The following MYOM2 variants were observed in gnomAD, a reference collection of about 807,000 sequenced individuals.
MYOM2 encodes the protein myomesin 2.
A neutral mutation model predicts 187.6 loss-of-function variants in MYOM2; 254 were observed. The ratio of observed to expected loss-of-function variants is 1.35; its 90% CI spans 1.22 to 1.50. The LOEUF is 1.50. MYOM2 is among the 40% of genes most tolerant of loss of function. MYOM2 has a pLI of 0.00. For synonymous variants in MYOM2, 981 were observed against 753.8 expected, an observed-to-expected ratio of 1.30 and a Z score of -4.94; for missense variants, 2,796 against 1,924.0, an observed-to-expected ratio of 1.45 and a Z score of -8.48.
chr8:2,090,216 C>G (rs1159821338), intron 15 of MYOM2, 25 bp downstream of exon 15: 1 of 1,604,036 alleles, frequency 6.2e-7, no homozygotes, highest in East Asian at 2.2e-5. Flanking sequence ...TGGGTGGCCC[C>G]AAGTCAGGAT....
At position 2,088,448 on chromosome 8, in the gene MYOM2, G is replaced by A. The variant is rs150070993; in HGVS notation, c.1645-1560G>A. On this transcript the variant is annotated intron_variant, in intron 14 of 36. Transcript: ENST00000262113. ...CCCTTGCTCTGTCTGGTAGGCCTCAGTGTCTATCGTTGCCATCTTCGTGTG... is the reference window on the plus strand; with the variant it reads ...CCCTTGCTCTGTCTGGTAGGCCTCAATGTCTATCGTTGCCATCTTCGTGTG... Among the ~76,000 whole-genome samples, 18 of 152,316 alleles carry A rather than the reference G, an allele frequency of 1.2e-4. No homozygotes were observed. In the East Asian group the frequency reaches 2.5e-3, roughly 21 times the overall value.
intron 34 of MYOM2, among the ~76,000 whole-genome samples, chr8:2,141,860 C>A (rs1798283309): frequency 2.0e-5 from 3 of 152,180 alleles, no homozygotes; most frequent in Admixed American, 2.0e-4. Context: ...CAGTCATCAT[C>A]AGGGCAGCAC....
At chr8:2,048,501 A>G (rs1191565336) in intron 1 of MYOM2, among the ~76,000 whole-genome samples, 1 of 152,264 alleles carries the variant, frequency 6.6e-6, no homozygotes, top group Non-Finnish European at 1.5e-5. Flanking sequence ...TCCTGTCTGC[A>G]GAATTCTTGA....
chr8:2,109,367 T>A (rs757792593), intron 24 of MYOM2, 28 bp from the exon 25 acceptor site: 1 of 1,582,030 alleles, frequency 6.3e-7, no homozygotes, highest in South Asian at 1.2e-5. Flanking sequence ...CATGCATTAT[T>A]GACTTGCGAT....
At chr8:2,071,411 C>T (rs185904624) in intron 8 of MYOM2, among the ~76,000 whole-genome samples, 2 of 152,136 alleles carry the variant, frequency 1.3e-5, no homozygotes, top group Non-Finnish European at 2.9e-5. Flanking sequence ...TCTCCCCCTA[C>T]CACACATATT....
At chr8:2,049,076 C>G (rs116042426) in intron 1 of MYOM2, among the ~76,000 whole-genome samples, 1,560 of 152,300 alleles carry the variant, frequency 0.01, 27 homozygotes, top group African/African-American at 0.035. Flanking sequence ...CAGGTGTGAG[C>G]TACTGCGCCC....
chr8:2,103,651 A>T (rs1796794837), intron 21 of MYOM2, among the ~76,000 whole-genome samples: 1 of 148,630 alleles, frequency 6.7e-6, no homozygotes, highest in Non-Finnish European at 1.5e-5. Flanking sequence ...TGCATGTATT[A>T]TGTGTATATG....
At chr8:2,106,147 G>A in intron 21 of MYOM2, 95 bp from the exon 22 acceptor site, 2 of 1,250,176 alleles carry the variant, frequency 1.6e-6, no homozygotes, top group Non-Finnish European at 2.3e-6. Flanking sequence ...AGATTTGGGT[G>A]TGGACGCGGA....
chr8:2,096,546 A>T lies in MYOM2; in HGVS notation c.2313+112A>T, dbSNP rs1046473374. ...TAGTTTGATACAGACACAAAAATGG[A>T]TTAAAAAATAGCATCATGAGATCAT... On this transcript the variant is annotated intron_variant, in intron 18 of 36. Coordinates refer to ENST00000262113, the MANE Select transcript of MYOM2 (RefSeq NM_003970.4). 1.1e-4 allele frequency: 106 copies of T among 968,116 alleles called. 1 individual carries two copies. Among genetic ancestry groups the T allele is most frequent in the Middle Eastern group, 2.3e-4 (1 of 4,412 alleles). 60.0% of individuals were successfully genotyped at this position (968,116 alleles called of 1,614,324 possible). A position where few individuals can be genotyped will look rare whatever the true frequency, so the allele number is the denominator to read the frequency against.
intron 6 of MYOM2, among the ~76,000 whole-genome samples, chr8:2,065,388 G>A (rs1818984204): frequency 6.6e-6 from 1 of 152,154 alleles, no homozygotes; most frequent in Non-Finnish European, 1.5e-5. Context: ...GAGCAACATG[G>A]TGAAACCCTG....
intron 3 of MYOM2, among the ~76,000 whole-genome samples, chr8:2,055,354 G>A (rs1394066060): frequency 6.6e-6 from 1 of 152,180 alleles, no homozygotes; most frequent in Admixed American, 6.5e-5. Context: ...CTAGGGGAGA[G>A]GCTCTGAGGG....
chr8:2,113,959 C>T (rs1051599274), intron 25 of MYOM2, among the ~76,000 whole-genome samples: 1 of 152,206 alleles, frequency 6.6e-6, no homozygotes, highest in African/African-American at 2.4e-5. Flanking sequence ...TCTGGCGAGA[C>T]AGACAGACGG....
intron 32 of MYOM2, among the ~76,000 whole-genome samples, chr8:2,140,318 G>A (rs550436953): frequency 6.6e-6 from 1 of 151,916 alleles, no homozygotes; most frequent in Non-Finnish European, 1.5e-5. Context: ...CGGGGCGGTC[G>A]TGAACGATAC....
Position 2,144,001 on chromosome 8 carries a change from G to C in MYOM2, c.4080+545G>C, listed in dbSNP as rs147973224. Among the ~76,000 whole-genome samples the C allele has an allele frequency of 4.7e-3, 711 of 152,350 alleles. 14 individuals are homozygous for C. The highest frequency in any genetic ancestry group is 0.044 in the East Asian group (229 of 5,184). Reference sequence around the variant, plus strand: ...AATTATTGATATCTAATTGATAGCTGTCTGGTTGCTTCAGTGGGTCTAACT... The same window carrying C: ...AATTATTGATATCTAATTGATAGCTCTCTGGTTGCTTCAGTGGGTCTAACT... On this transcript the variant is annotated intron_variant, in intron 36 of 36. Coordinates refer to ENST00000262113, the MANE Select transcript of MYOM2 (RefSeq NM_003970.4).
intron 32 of MYOM2, among the ~76,000 whole-genome samples, chr8:2,129,945 G>C (rs979862791): frequency 3.3e-5 from 5 of 152,184 alleles, no homozygotes; most frequent in African/African-American, 9.7e-5. Context: ...GTGGACTTCA[G>C]GTGGGTGGGA....
At chr8:2,046,592 C>G (rs1272118954) in intron 1 of MYOM2, among the ~76,000 whole-genome samples, 1 of 152,168 alleles carries the variant, frequency 6.6e-6, no homozygotes, top group Non-Finnish European at 1.5e-5. Context: ...CCTCACTCAG[C>G]CCCCTGTTTT....
chr8:2,082,270 T>C (rs972545628), intron 13 of MYOM2: 2 of 152,230 alleles, frequency 1.3e-5, no homozygotes, highest in African/African-American at 4.8e-5. Context: ...GAATATGTCC[T>C]CTAACTTAAA....
At chr8:2,128,720 C>G (rs1017495876) in intron 31 of MYOM2, among the ~76,000 whole-genome samples, 1 of 152,196 alleles carries the variant, frequency 6.6e-6, no homozygotes, top group African/African-American at 2.4e-5. Context: ...TTGACTCCCA[C>G]CTGAAAGAGT....
At chr8:2,066,474 G>T (rs182906903) in intron 6 of MYOM2, among the ~76,000 whole-genome samples, 11 of 152,306 alleles carry the variant, frequency 7.2e-5, no homozygotes, top group Admixed American at 6.5e-4. Context: ...GTAGAGGAAG[G>T]GTTAGGATGA....
Sources: gnomAD v4.1 joint callset for allele counts (sites outside exome capture counted in the v4.1 genomes callset) on GRCh38, gnomAD v4.1.1 for gene constraint, MANE v1.5 for transcripts, NCBI Gene and HGNC (gene_info 2026-07-23, HGNC 2026-07-21) for gene names.